Variants in KLK1 observed in about 807,000 individuals in gnomAD.
KLK1 encodes kallikrein-1.
A neutral mutation model predicts 23.3 loss-of-function variants in KLK1; 22 were observed. The ratio of observed to expected loss-of-function variants is 0.95; its 90% CI spans 0.68 to 1.35. The LOEUF (loss-of-function observed/expected upper bound fraction) is 1.35, where lower values mean the gene tolerates loss of function less well. Ranked by LOEUF, KLK1 falls within the 40% of genes most tolerant of loss-of-function variation. KLK1 has a pLI of 0.00. For missense variants in KLK1, 301 were observed against 338.9 expected (o/e 0.89, Z 0.88); for synonymous variants, 140 against 135.8 (o/e 1.03, Z -0.21).
rs540707000 is a variant in KLK1 at position 50,821,023 on chromosome 19, G to T, written c.207-580C>A. ...GCTCAGCTGCAGCTGGGGCTGTGGT[G>T]CGGGCTCCCCAGGGGCAGGTGGCCT... On this transcript the variant is annotated intron_variant, in intron 2 of 4. Coordinates refer to ENST00000301420, the MANE Select transcript of KLK1 (RefSeq NM_002257.4). This position sits in a 1 kb window ranked among gnomAD's most constrained non-coding sequence, Gnocchi z 5.6. Among the ~76,000 whole-genome samples the T allele has an allele frequency of 5.9e-5, 9 of 152,254 alleles. No homozygotes were observed. The highest frequency in any genetic ancestry group is 1.2e-4 in the Non-Finnish European group (8 of 68,006).
rs559048133 is a variant in KLK1, at chr19:50,821,047, C to T, written c.207-604G>A. ...TGCGGGCTCCCCAGGGGCAGGTGGCCTGGCCTGAAGTCCAAGGTCGAGGCC... is the reference window on the plus strand; with the variant it reads ...TGCGGGCTCCCCAGGGGCAGGTGGCTTGGCCTGAAGTCCAAGGTCGAGGCC... On this transcript the variant is annotated intron_variant, in intron 2 of 4. Transcript: ENST00000301420. This position sits in a 1 kb window ranked among gnomAD's most constrained non-coding sequence, Gnocchi z 5.6. Among the ~76,000 whole-genome samples the T allele has an allele frequency of 6.6e-6, 1 of 152,262 alleles. No individual in the cohort carries two copies. The highest frequency in any genetic ancestry group is 1.9e-4 in the East Asian group (1 of 5,166).
At chr19:50,820,496 T>TGGGGAATTGGGTTG in intron 2 of KLK1, 53 bp from the exon 3 acceptor site, 1 of 207,678 alleles carries the variant, frequency 4.8e-6, no homozygotes, top group Non-Finnish European at 8.9e-6. Flanking sequence ...GAAAAGGGGA[T>TGGGGAATTGGGTTG]GGGGCAGGGG....
At position 50,819,834 on chromosome 19, in the gene KLK1, A is replaced by G. The variant is rs1213697391; in HGVS notation, c.633+65T>C. 3.3e-6 allele frequency: 5 copies of G among 1,537,370 alleles called. No homozygotes were observed. The Admixed American group carries it at 5.6e-5, about 17-fold the overall frequency. Reference sequence around the variant, plus strand: ...AGCAGATGCCTGGTTAGCTCTCAGAAGCCAGTTCAGAGGCTGAGTCCCCTC... The same window carrying G: ...AGCAGATGCCTGGTTAGCTCTCAGAGGCCAGTTCAGAGGCTGAGTCCCCTC... On this transcript the variant is annotated intron_variant, in intron 4 of 4. Coordinates refer to ENST00000301420, the MANE Select transcript of KLK1 (RefSeq NM_002257.4).
In KLK1 at chr19:50,819,885, C is replaced by T; in HGVS notation, c.633+14G>A. The T allele has an allele frequency of 1.2e-6, 2 of 1,613,224 alleles. No homozygotes were observed. Among genetic ancestry groups the T allele is most frequent in the Non-Finnish European group, 8.5e-7 (1 of 1,179,516 alleles). On this transcript the variant is annotated intron_variant, in intron 4 of 4. Coordinates refer to ENST00000301420, the MANE Select transcript of KLK1 (RefSeq NM_002257.4). ...CCTCAGCCCTTCCAGACCCTGGGGG[C>T]AGGGCTGCCTCACCACACAGGTGTC...
Position 50,821,908 on chromosome 19 carries a change from G to A in KLK1, c.47-37C>T. The A allele has an allele frequency of 6.3e-7, 1 of 1,579,204 alleles. No homozygotes were observed. The highest frequency in any genetic ancestry group is 8.6e-7 in the Non-Finnish European group (1 of 1,159,894). On this transcript the variant is annotated intron_variant, in intron 1 of 4. Coordinates refer to ENST00000301420, the MANE Select transcript of KLK1 (RefSeq NM_002257.4). The surrounding 1 kb of genome is among the most constrained non-coding windows in gnomAD (Gnocchi z 5.6). ...GTGCTGGGTCAGGAAGGGCAGGGTT[G>A]GCAGGAGAGGCCAGGGACAAGGCTA...
chr19:50,819,760 G>A (rs1568479672), intron 4 of KLK1, 139 bp downstream of exon 4: 1 of 787,412 alleles, frequency 1.3e-6, no homozygotes, highest in Non-Finnish European at 2.1e-6. Flanking sequence ...AGGAGGGGGA[G>A]CTGGGGCACT....
In KLK1 at chr19:50,821,988, C is replaced by G; in HGVS notation, c.47-117G>C. The G allele has an allele frequency of 6.9e-7, 1 of 1,457,072 alleles. No individual in the cohort carries two copies. Among genetic ancestry groups the G allele is most frequent in the Non-Finnish European group, 9.0e-7 (1 of 1,106,040 alleles). The allele number at this position is 1,457,072 out of a possible 1,614,324, so 90.3% of individuals were successfully genotyped here. On this transcript the variant is annotated intron_variant, in intron 1 of 4. Transcript: ENST00000301420. The surrounding 1 kb of genome is among the most constrained non-coding windows in gnomAD (Gnocchi z 5.6). ...GGACATTGCGGGTAGAGGACCAGGG[C>G]TGGAGGTTGGGGACATGGGCAAGGG...
chr19:50,823,785 A>T lies in KLK1; in HGVS notation c.-37T>A. The T allele has an allele frequency of 6.3e-7, 1 of 1,586,244 alleles. No individual in the cohort carries two copies. The highest frequency in any genetic ancestry group is 1.1e-5 in the South Asian group (1 of 89,474). ...TGTCCAGGGGCCAGCAGGTGGAGGAACTGGGGAACCTCCCTGGGGAGGCTT... is the reference window on the plus strand; with the variant it reads ...TGTCCAGGGGCCAGCAGGTGGAGGATCTGGGGAACCTCCCTGGGGAGGCTT... On this transcript the variant is annotated 5_prime_UTR_variant, in exon 1 of 5. Transcript: ENST00000301420.
chr19:50,822,708 T>C, intron 1 of KLK1: 1 of 985,380 alleles, frequency 1.0e-6, no homozygotes. Flanking sequence ...GGGATCTTCG[T>C]TTCTCATGGG....
rs1001490448 is a variant in KLK1, at chr19:50,821,445, A to G, written c.206+267T>C. Among the ~76,000 whole-genome samples the G allele has an allele frequency of 1.3e-5, 2 of 152,194 alleles. No individual in the cohort carries two copies. Among genetic ancestry groups the G allele is most frequent in the East Asian group, 3.9e-4 (2 of 5,168 alleles). On this transcript the variant is annotated intron_variant, in intron 2 of 4. Coordinates refer to ENST00000301420, the MANE Select transcript of KLK1 (RefSeq NM_002257.4). This position sits in a 1 kb window ranked among gnomAD's most constrained non-coding sequence, Gnocchi z 5.6. ...ACAGACAGAGACAGGGGAGATGCAGAGACAAGGAGACAGAGGAGAGAGAGG... is the reference window on the plus strand; with the variant it reads ...ACAGACAGAGACAGGGGAGATGCAGGGACAAGGAGACAGAGGAGAGAGAGG...
chr19:50,821,680 GC>G lies in KLK1; in HGVS notation c.206+31del. On this transcript the variant is annotated intron_variant, in intron 2 of 4. Coordinates refer to ENST00000301420, the MANE Select transcript of KLK1 (RefSeq NM_002257.4). The surrounding 1 kb of genome is among the most constrained non-coding windows in gnomAD (Gnocchi z 5.6). ...CTGTCAATCCTGTGGCAGCATAGAT[GC>G]CCTCCTCCCAGACCCCAGGCCCCTA... The G allele has an allele frequency of 5.8e-6, 9 of 1,546,962 alleles. No homozygotes were observed. The highest frequency in any genetic ancestry group is 7.9e-6 in the Non-Finnish European group (9 of 1,143,268).
At chr19:50,822,836 C>T in intron 1 of KLK1, 1 of 974,934 alleles carries the variant, frequency 1.0e-6, no homozygotes. Flanking sequence ...GAATGCAATG[C>T]AGGACCCACT....
chr19:50,820,550 A>T, intron 2 of KLK1, 107 bp from the exon 3 acceptor site: 2 of 806,564 alleles, frequency 2.5e-6, no homozygotes, highest in Non-Finnish European at 2.0e-6. Context: ...AAAGAGAAAA[A>T]TGTGGGTGGG....
Position 50,821,819 on chromosome 19 carries a change from C to T in KLK1, c.99G>A (p.Gln33=). 3 of 1,613,810 alleles carry T rather than the reference C, an allele frequency of 1.9e-6. No homozygotes were observed. Among genetic ancestry groups the T allele is most frequent in the Non-Finnish European group, 1.7e-6 (2 of 1,179,920 alleles). The change falls in exon 2 of 5, where the codon CAG becomes CAA. Residue 33 remains glutamine, a synonymous_variant. Coordinates refer to ENST00000301420, the MANE Select transcript of KLK1 (RefSeq NM_002257.4). The surrounding 1 kb of genome is among the most constrained non-coding windows in gnomAD (Gnocchi z 5.6). The part of the protein sequence containing the change: ...SRIVGGWECE[Q]HSQPWQAALY... ...GAGCCGCCTGCCAGGGCTGGGAATG[C>T]TGCTCACACTCCCAGCCTCCCACAA...
intron 1 of KLK1, 116 bp downstream of exon 1, chr19:50,823,585 CTG>C (rs2089841834): frequency 3.1e-6 from 2 of 644,588 alleles, no homozygotes; most frequent in Non-Finnish European, 2.7e-6. Flanking sequence ...CTAGGATAGA[CTG>C]TGGGCCAGAG....
chr19:50,821,855 A>C lies in KLK1; in HGVS notation c.63T>G (p.Ile21Met), dbSNP rs768334273. The change falls in exon 2 of 5, where the codon ATT (isoleucine) becomes ATG (methionine). Residue 21 changes from isoleucine (I) to methionine (M), a missense_variant. Ile to Met is a conservative substitution (Grantham distance 10). Coordinates refer to ENST00000301420, the MANE Select transcript of KLK1 (RefSeq NM_002257.4). The surrounding 1 kb of genome is among the most constrained non-coding windows in gnomAD (Gnocchi z 5.6). ...SLGGTGAAPP[I>M]QSRIVGGWEC... ...CCCAGCCTCCCACAATCCGGGACTG[A>C]ATCGGGGGCGCAGCACCTGCAGAGG... 5 of 1,610,428 alleles carry C rather than the reference A, an allele frequency of 3.1e-6. No homozygotes were observed. The African/African-American group carries it at 6.7e-5, about 22-fold the overall frequency.
Position 50,820,408 on chromosome 19 carries a change from A to G in KLK1, c.242T>C (p.Phe81Ser). 6.2e-7 allele frequency: 1 copy of G among 1,612,962 alleles called. No homozygotes were observed. The highest frequency in any genetic ancestry group is 8.5e-7 in the Non-Finnish European group (1 of 1,179,472). The change falls in exon 3 of 5, where the codon TTT (phenylalanine) becomes TCT (serine). Residue 81 changes from phenylalanine to serine, a missense_variant. Coordinates refer to ENST00000301420, the MANE Select transcript of KLK1 (RefSeq NM_002257.4). Reference protein sequence around the residue: ...YQLWLGRHNLFDDENTAQFVH... With the variant: ...YQLWLGRHNLSDDENTAQFVH... The stretch of plus-strand genomic sequence containing the variant: ...AAACTGGGCTGTGTTTTCGTCGTCA[A>G]ACAAGTTGTGGCGACCCAGCCAGAG...
chr19:50,823,119 T>C (rs893851263), intron 1 of KLK1, among the ~76,000 whole-genome samples: 1 of 151,932 alleles, frequency 6.6e-6, no homozygotes, highest in East Asian at 1.9e-4. Flanking sequence ...AGATGGGGGA[T>C]CCCACATGCC....
At chr19:50,820,091 T>C in intron 3 of KLK1, 56 bp from the exon 4 acceptor site, 1 of 1,609,880 alleles carries the variant, frequency 6.2e-7, no homozygotes, top group Non-Finnish European at 8.5e-7. Context: ...TCCCTGGCCC[T>C]TTCTCCCTTG....
Sources: gnomAD v4.1 joint callset for allele counts (sites outside exome capture counted in the v4.1 genomes callset) on GRCh38, gnomAD v4.1.1 for gene constraint, Gnocchi (gnomAD v3.1) non-coding constraint, MANE v1.5 for transcripts, NCBI Gene and HGNC (gene_info 2026-07-23, HGNC 2026-07-21) for gene names.